AFM: variants seen among roughly 807,000 people sequenced by gnomAD.
AFM encodes alpha-Alb.
A neutral mutation model predicts 68.7 loss-of-function variants in AFM; 82 were observed. That is an observed-to-expected ratio of 1.19 (90% CI 1.00 to 1.43). AFM has a LOEUF of 1.43. Ranked by LOEUF, AFM falls within the 40% of genes most tolerant of loss-of-function variation. AFM has a pLI of 0.00. For missense variants in AFM, 772 were observed against 701.8 expected (o/e 1.10, Z -1.13); for synonymous variants, 250 against 234.2 (o/e 1.07, Z -0.61).
chr4:73,499,858 A>T (rs892329476), intron 11 of AFM, 146 bp from the exon 12 acceptor site: 8 of 668,534 alleles, frequency 1.2e-5, no homozygotes, highest in African/African-American at 1.8e-5. Flanking sequence ...TTTTACTTGT[A>T]TATAGGGATA....
rs1183473580 is a variant in AFM at position 73,481,841 on chromosome 4, G to A, written c.66G>A (p.Leu22=). The change falls in exon 1 of 15, where the codon CTG becomes CTA. Residue 22 remains leucine (L), a synonymous_variant. Transcript: ENST00000226355. ...FLFFLTESLT[L]PTQPRDIENF... is the part of the protein sequence containing the mutation. ...TTTTTTTGACTGAATCCCTAACCCTGCCCACACAACCTCGGGATATAGGTA... is the reference window on the plus strand; with the variant it reads ...TTTTTTTGACTGAATCCCTAACCCTACCCACACAACCTCGGGATATAGGTA... 6.2e-7 allele frequency: 1 copy of A among 1,606,514 alleles called. No homozygotes were observed. Among genetic ancestry groups the A allele is most frequent in the Non-Finnish European group, 8.5e-7 (1 of 1,176,014 alleles).
At chr4:73,482,053 C>G (rs1053323642) in intron 1 of AFM, among the ~76,000 whole-genome samples, 190 bp downstream of exon 1, 4 of 151,912 alleles carry the variant, frequency 2.6e-5, no homozygotes, top group African/African-American at 9.7e-5. Flanking sequence ...TTTATATTAC[C>G]AAGTCTATAT....
chr4:73,491,358 T>G (rs1279765531), intron 7 of AFM, among the ~76,000 whole-genome samples: 1 of 152,224 alleles, frequency 6.6e-6, no homozygotes, highest in Non-Finnish European at 1.5e-5. Context: ...GTGGAATAGC[T>G]TCTTATATTT....
intron 13 of AFM, among the ~76,000 whole-genome samples, chr4:73,502,439 T>TC (rs60950099): frequency 0.093 from 14,204 of 152,010 alleles, 2,233 homozygotes; most frequent in African/African-American, 0.32. Flanking sequence ...GTAAGGGTAG[T>TC]CAGGGAGAAA....
chr4:73,502,308 C>G (rs541274422), intron 13 of AFM, among the ~76,000 whole-genome samples: 51 of 152,312 alleles, frequency 3.3e-4, no homozygotes, highest in South Asian at 4.1e-4. Flanking sequence ...AAATCATAAA[C>G]AGCTCCAAAT....
At chr4:73,491,286 G>A (rs1173240816) in intron 7 of AFM, among the ~76,000 whole-genome samples, 2 of 152,130 alleles carry the variant, frequency 1.3e-5, no homozygotes, top group Non-Finnish European at 2.9e-5. Context: ...TTGCTAACCT[G>A]AACAGCTTCA....
rs769856410 is a variant in AFM, at chr4:73,488,660, C to T, written c.744C>T (p.Pro248=). 8 of 1,611,244 alleles carry T rather than the reference C, an allele frequency of 5.0e-6. No individual in the cohort carries two copies. The South Asian group carries it at 8.8e-5, about 18-fold the overall frequency. Residue 248 remains proline, a synonymous_variant, in exon 7 of 15, where the codon CCC becomes CCT. Coordinates refer to ENST00000226355, the MANE Select transcript of AFM (RefSeq NM_001133.2). ...IYIAILSQKF[P]KIEFKELISL... ...TTGCGATACTCAGTCAAAAATTCCC[C>T]AAGATTGAATTTAAGGAGCTTATTT...
intron 7 of AFM, among the ~76,000 whole-genome samples, chr4:73,489,167 G>A (rs1026269488): frequency 3.9e-5 from 6 of 151,946 alleles, no homozygotes; most frequent in South Asian, 2.1e-4. Context: ...GCTTCCTTAC[G>A]CTATTCAGGT....
intron 7 of AFM, among the ~76,000 whole-genome samples, chr4:73,491,543 T>C (rs1047708392): frequency 6.6e-6 from 1 of 152,152 alleles, no homozygotes; most frequent in East Asian, 1.9e-4. Context: ...TGGACTCTTA[T>C]GGAAAAGAAA....
intron 7 of AFM, 115 bp downstream of exon 7, chr4:73,488,874 T>A: frequency 9.7e-7 from 1 of 1,029,774 alleles, no homozygotes; most frequent in Non-Finnish European, 1.4e-6. Flanking sequence ...GAATGTGATT[T>A]AACTTTTGAA....
At chr4:73,498,314 G>C (rs574207596) in intron 10 of AFM, among the ~76,000 whole-genome samples, 2 of 151,614 alleles carry the variant, frequency 1.3e-5, no homozygotes, top group South Asian at 4.2e-4. Flanking sequence ...TTGAGACAGG[G>C]TCTCTCTGTC....
intron 7 of AFM, among the ~76,000 whole-genome samples, chr4:73,490,646 A>T (rs188251697): frequency 6.6e-6 from 1 of 152,206 alleles, no homozygotes; most frequent in East Asian, 1.9e-4. Context: ...TGTATGTTTT[A>T]TAATGTGAAA....
chr4:73,492,808 A>G (rs1721114516), intron 8 of AFM, among the ~76,000 whole-genome samples: 1 of 150,986 alleles, frequency 6.6e-6, no homozygotes, highest in Non-Finnish European at 1.5e-5. Flanking sequence ...AAAAAAAAAA[A>G]AAGAATATTT....
chr4:73,486,089 G>C lies in AFM; in HGVS notation c.482+16G>C. ...TTTTAAATCAGTAAGTTTAATCTTA[G>C]TAAAAAATGATCCAGTTGAAGAATT... On this transcript the variant is annotated intron_variant, in intron 4 of 14. Coordinates refer to ENST00000226355, the MANE Select transcript of AFM (RefSeq NM_001133.2). 1 of 1,595,606 alleles carries C rather than the reference G, an allele frequency of 6.3e-7. No homozygotes were observed. Among genetic ancestry groups the C allele is most frequent in the South Asian group, 1.1e-5 (1 of 90,164 alleles).
chr4:73,492,680 C>G (rs1487942848), intron 8 of AFM, among the ~76,000 whole-genome samples: 1 of 149,636 alleles, frequency 6.7e-6, no homozygotes, highest in Non-Finnish European at 1.5e-5. Context: ...ATCTATAATC[C>G]CAGCTAATCA....
At position 73,481,770 on chromosome 4, in the gene AFM, A is replaced by G. The variant is rs1160124808; in HGVS notation, c.-6A>G. The G allele has an allele frequency of 2.3e-5, 36 of 1,540,482 alleles. No homozygotes were observed. The highest frequency in any genetic ancestry group is 5.5e-5 in the African/African-American group (4 of 72,394). ...ACTTTCTTTTGTAAATGTGGTTTCT[A>G]CAAAGATGAAACTACTAAAACTTAC... On this transcript the variant is annotated 5_prime_UTR_variant, in exon 1 of 15. Coordinates refer to ENST00000226355, the MANE Select transcript of AFM (RefSeq NM_001133.2).
chr4:73,503,097 A>T lies in AFM; in HGVS notation c.*27A>T. The T allele has an allele frequency of 6.2e-7, 1 of 1,611,452 alleles. No homozygotes were observed. Among genetic ancestry groups the T allele is most frequent in the Non-Finnish European group, 8.5e-7 (1 of 1,177,848 alleles). ...GCCAGCTGCTGGAGATATGTAAAGA[A>T]AAAAGCACCAAAGGTAATACCCTCT... On this transcript the variant is annotated 3_prime_UTR_variant, in exon 14 of 15. Coordinates refer to ENST00000226355, the MANE Select transcript of AFM (RefSeq NM_001133.2).
chr4:73,499,520 T>C (rs1721360020), intron 11 of AFM, among the ~76,000 whole-genome samples: 1 of 152,150 alleles, frequency 6.6e-6, no homozygotes, highest in Non-Finnish European at 1.5e-5. Flanking sequence ...GATTTAGGAA[T>C]CATAATATTG....
At chr4:73,489,331 C>G (rs936730098) in intron 7 of AFM, among the ~76,000 whole-genome samples, 6 of 151,574 alleles carry the variant, frequency 4.0e-5, no homozygotes, top group African/African-American at 1.5e-4. Context: ...TGGCCTTTAA[C>G]TGACAATTAA....
Sources: allele counts gnomAD v4.1 joint callset (sites outside exome capture counted in the v4.1 genomes callset), GRCh38; gene constraint gnomAD v4.1.1; transcripts MANE v1.5; gene names NCBI Gene and HGNC (gene_info 2026-07-23, HGNC 2026-07-21).